The following MTUS2 variants were observed in gnomAD, a reference collection of about 807,000 sequenced individuals.
MTUS2 encodes the protein microtubule associated scaffold protein 2.
Under a neutral mutation model 114.1 loss-of-function variants are expected in MTUS2, and 40 were observed. The ratio of observed to expected loss-of-function variants is 0.35; its 90% CI spans 0.27 to 0.46. The LOEUF (loss-of-function observed/expected upper bound fraction) is 0.46, where lower values mean the gene tolerates loss of function less well. Among genes scored for constraint, MTUS2 ranks in the 20% least tolerant of loss-of-function variants. MTUS2 has a pLI of 1.00. For missense variants in MTUS2, 1,679 were observed against 1,705.4 expected (o/e 0.98, Z 0.27); for synonymous variants, 688 against 672.0 (o/e 1.02, Z -0.37).
At chr13:29,227,920 T>A (rs1347997855) in intron 5 of MTUS2, among the ~76,000 whole-genome samples, 1 of 152,254 alleles carries the variant, frequency 6.6e-6, no homozygotes, top group Non-Finnish European at 1.5e-5. Context: ...ATGTAACTTT[T>A]GTATTCTATT....
chr13:29,115,239 GC>G (rs1163873063), intron 5 of MTUS2, among the ~76,000 whole-genome samples: 2 of 152,174 alleles, frequency 1.3e-5, no homozygotes, highest in African/African-American at 4.8e-5. Context: ...AGTTGTCAAT[GC>G]TAAGCTGATG....
intron 7 of MTUS2, among the ~76,000 whole-genome samples, chr13:29,327,634 G>C (rs144263643): frequency 6.6e-6 from 1 of 152,066 alleles, no homozygotes; most frequent in Non-Finnish European, 1.5e-5. Flanking sequence ...GATGGAAATT[G>C]GGGCTTTCCC....
chr13:28,875,874 C>A (rs1877897810), intron 2 of MTUS2, among the ~76,000 whole-genome samples: 1 of 152,122 alleles, frequency 6.6e-6, no homozygotes. Context: ...TTGTTTTATT[C>A]ATGATTTATT....
intron 4 of MTUS2, among the ~76,000 whole-genome samples, chr13:29,056,003 G>A (rs1304859941): frequency 1.3e-5 from 2 of 151,812 alleles, no homozygotes; most frequent in African/African-American, 4.8e-5. Flanking sequence ...CTCTTATTTG[G>A]TATTGTCTGT....
intron 2 of MTUS2, among the ~76,000 whole-genome samples, chr13:28,911,097 G>C (rs1301171697): frequency 6.7e-6 from 1 of 148,700 alleles, no homozygotes; most frequent in African/African-American, 2.5e-5. Flanking sequence ...GGATGGTCTT[G>C]ATCTCCTGAC....
chr13:29,304,237 T>C (rs1056836000), intron 6 of MTUS2, among the ~76,000 whole-genome samples: 6 of 151,896 alleles, frequency 4.0e-5, no homozygotes, highest in Admixed American at 3.3e-4. Flanking sequence ...AAAAAAAGTT[T>C]GAAAAATAAC....
intron 2 of MTUS2, among the ~76,000 whole-genome samples, chr13:28,918,242 T>A (rs1880854585): frequency 6.6e-6 from 1 of 152,016 alleles, no homozygotes; most frequent in African/African-American, 2.4e-5. Context: ...ATTTTCTGTT[T>A]GGAAGATCTG....
chr13:29,489,365 T>C (rs1008727695), intron 11 of MTUS2, among the ~76,000 whole-genome samples: 4 of 152,254 alleles, frequency 2.6e-5, no homozygotes, highest in Admixed American at 2.6e-4. Flanking sequence ...ATTGTTAAAA[T>C]GTTCTCTGTG....
At chr13:28,981,292 AAGAC>A (rs1352809032) in intron 2 of MTUS2, among the ~76,000 whole-genome samples, 5 of 152,362 alleles carry the variant, frequency 3.3e-5, no homozygotes, top group African/African-American at 7.2e-5. Flanking sequence ...AAAAAGGAAA[AAGAC>A]AGTCTCAAAT....
At chr13:29,146,169 G>A (rs890806967) in intron 5 of MTUS2, among the ~76,000 whole-genome samples, 4 of 152,142 alleles carry the variant, frequency 2.6e-5, no homozygotes, top group African/African-American at 9.7e-5. Flanking sequence ...CAACACCTTT[G>A]TCATAAAGAA....
intron 8 of MTUS2, among the ~76,000 whole-genome samples, chr13:29,409,289 C>G (rs1189273411): frequency 6.6e-6 from 1 of 152,032 alleles, no homozygotes; most frequent in East Asian, 1.9e-4. Context: ...GTACTCCAGC[C>G]TAGGGGACAG....
At chr13:29,158,293 C>T (rs1348230486) in intron 5 of MTUS2, among the ~76,000 whole-genome samples, 10 of 151,790 alleles carry the variant, frequency 6.6e-5, no homozygotes, top group African/African-American at 2.4e-4. Flanking sequence ...CGTATTTACA[C>T]CTCGCCACAA....
intron 2 of MTUS2, among the ~76,000 whole-genome samples, chr13:28,884,504 C>T (rs1264608922): frequency 6.6e-6 from 1 of 152,116 alleles, no homozygotes; most frequent in African/African-American, 2.4e-5. Context: ...TGCCACTGAA[C>T]TGTACACTTA....
chr13:29,357,288 G>A lies in MTUS2; in HGVS notation c.2906-1974G>A, dbSNP rs565133537. ...CAGCCAAAAATGCGTGACAGTGTGA[G>A]CGCCTGCTAACGTCCACAAGCTCAG... is the stretch of plus-strand genomic sequence containing the variant. On this transcript the variant is annotated intron_variant, in intron 7 of 15. Coordinates refer to ENST00000612955, the MANE Select transcript of MTUS2 (RefSeq NM_001033602.4). Among the ~76,000 whole-genome samples the A allele has an allele frequency of 1.4e-4, 22 of 152,318 alleles. No individual in the cohort carries two copies. In the South Asian group the frequency reaches 4.3e-3, roughly 30 times the overall value.
chr13:29,340,524 A>G (rs921192030), intron 7 of MTUS2, among the ~76,000 whole-genome samples: 2 of 151,800 alleles, frequency 1.3e-5, no homozygotes, highest in South Asian at 2.1e-4. Flanking sequence ...TGGAGTCATC[A>G]GGTTTTGTTT....
intron 1 of MTUS2, among the ~76,000 whole-genome samples, chr13:28,830,232 GT>G (rs1016386900): frequency 2.0e-5 from 3 of 151,982 alleles, no homozygotes; most frequent in Non-Finnish European, 4.4e-5. Flanking sequence ...TTTAAATCCA[GT>G]TTTCAACATA....
At chr13:29,430,856 C>T (rs1876943057) in intron 8 of MTUS2, among the ~76,000 whole-genome samples, 2 of 152,144 alleles carry the variant, frequency 1.3e-5, no homozygotes, top group Admixed American at 1.3e-4. Flanking sequence ...AATCCCACAA[C>T]AAAGTTCTTC....
chr13:29,202,775 G>A (rs1019631607), intron 5 of MTUS2, among the ~76,000 whole-genome samples: 1 of 152,134 alleles, frequency 6.6e-6, no homozygotes, highest in Non-Finnish European at 1.5e-5. Flanking sequence ...TCTACTGCAG[G>A]TCTGCTAGAG....
At chr13:28,828,909 A>G (rs996322043) in intron 1 of MTUS2, among the ~76,000 whole-genome samples, 1 of 152,202 alleles carries the variant, frequency 6.6e-6, no homozygotes, top group African/African-American at 2.4e-5. Flanking sequence ...AAGTTTTAAT[A>G]TTTCGTTCAT....
Sources: gnomAD v4.1 joint callset for allele counts (sites outside exome capture counted in the v4.1 genomes callset) on GRCh38, gnomAD v4.1.1 for gene constraint, MANE v1.5 for transcripts, NCBI Gene and HGNC (gene_info 2026-07-23, HGNC 2026-07-21) for gene names.